SLC2A5: variants seen among roughly 807,000 people sequenced by gnomAD.
SLC2A5 encodes the protein solute carrier family 2, facilitated glucose transporter member 5.
SLC2A5 carries 56 observed loss-of-function variants against 50.3 expected under a neutral mutation model. That is an observed-to-expected ratio of 1.11 (90% confidence interval 0.90 to 1.39). The LOEUF is 1.39. SLC2A5 is among the 40% of genes most tolerant of loss of function. The probability of loss-of-function intolerance (pLI) is 0.00; values close to 1 mark genes in which losing one functional copy is unlikely to be tolerated. For missense variants in SLC2A5, 566 were observed against 650.1 expected (o/e 0.87, Z 1.41); for synonymous variants, 269 against 281.9 (o/e 0.95, Z 0.46).
At chr1:9,054,751 C>A (rs1351965505) in intron 3 of SLC2A5, among the ~76,000 whole-genome samples, 2 of 151,976 alleles carry the variant, frequency 1.3e-5, no homozygotes, top group Non-Finnish European at 2.9e-5. Flanking sequence ...CTAGTGAGAC[C>A]CTGTCTCTAC....
intron 2 of SLC2A5, among the ~76,000 whole-genome samples, chr1:9,083,648 C>T (rs1166512804): frequency 6.6e-6 from 1 of 151,960 alleles, no homozygotes; most frequent in South Asian, 2.1e-4. Flanking sequence ...AATGGTGAAA[C>T]CCCATCTCTG....
At chr1:9,062,527 C>T (rs1641971878) in intron 1 of SLC2A5, among the ~76,000 whole-genome samples, 1 of 152,144 alleles carries the variant, frequency 6.6e-6, no homozygotes, top group Non-Finnish European at 1.5e-5. Context: ...CATCTGTTCC[C>T]TCCATGTGCT....
chr1:9,063,157 C>T (rs1327483634), intron 1 of SLC2A5, among the ~76,000 whole-genome samples: 1 of 152,188 alleles, frequency 6.6e-6, no homozygotes, highest in East Asian at 1.9e-4. Flanking sequence ...CATGTGAGAT[C>T]ATGCAGTGTT....
At chr1:9,068,481 C>T (rs1230226678) in intron 1 of SLC2A5, among the ~76,000 whole-genome samples, 4 of 137,182 alleles carry the variant, frequency 2.9e-5, no homozygotes, top group African/African-American at 5.4e-5. Context: ...GATGAAGTTT[C>T]GCTCTTGTTG....
chr1:9,038,311 G>A, intron 10 of SLC2A5, 120 bp downstream of exon 10: 1 of 784,824 alleles, frequency 1.3e-6, no homozygotes, highest in African/African-American at 1.7e-5. Context: ...CGGTGGACGG[G>A]GGAAGAGATG....
chr1:9,083,334 C>T (rs1241870393), intron 2 of SLC2A5, among the ~76,000 whole-genome samples: 3 of 152,156 alleles, frequency 2.0e-5, no homozygotes, highest in Non-Finnish European at 4.4e-5. Context: ...AGGAATAATA[C>T]AGGGTGGTCG....
At chr1:9,080,669 C>T (rs1226318473) in intron 2 of SLC2A5, among the ~76,000 whole-genome samples, 1 of 152,192 alleles carries the variant, frequency 6.6e-6, no homozygotes, top group Non-Finnish European at 1.5e-5. Flanking sequence ...CCTAATGAGA[C>T]CACTCTCTTT....
In SLC2A5 at chr1:9,044,790, A is replaced by C. The variant is rs541449292; in HGVS notation, c.418+2820T>G. Among the ~76,000 whole-genome samples the C allele has an allele frequency of 1.3e-3, 205 of 152,222 alleles. 2 individuals carry two copies. The highest frequency in any genetic ancestry group is 2.2e-3 in the Non-Finnish European group (149 of 68,016). Reference sequence around the variant, plus strand: ...GGCTGGTCTCGCACTCCTGACCTCAAGTGATCCAACTGCCTCAGCTTCCTA... The same window carrying C: ...GGCTGGTCTCGCACTCCTGACCTCACGTGATCCAACTGCCTCAGCTTCCTA... On this transcript the variant is annotated intron_variant, in intron 4 of 11. Transcript: ENST00000377424.
intron 2 of SLC2A5, among the ~76,000 whole-genome samples, chr1:9,078,831 A>T (rs1327257): frequency 1.7e-3 from 256 of 152,170 alleles, no homozygotes; most frequent in African/African-American, 6.1e-3. Flanking sequence ...TGCGAACCTC[A>T]CAGGGCTCAC....
chr1:9,045,660 A>G (rs1641415167), intron 4 of SLC2A5, among the ~76,000 whole-genome samples: 1 of 152,034 alleles, frequency 6.6e-6, no homozygotes, highest in African/African-American at 2.4e-5. Flanking sequence ...GGCTGAGGTC[A>G]GGAGTTTGAG....
chr1:9,049,208 T>G (rs759905888), intron 3 of SLC2A5: 19 of 455,998 alleles, frequency 4.2e-5, no homozygotes, highest in Non-Finnish European at 1.8e-5. Context: ...CGAGTGGAGC[T>G]CCAGCATTCC....
In SLC2A5 at chr1:9,038,490, A is replaced by G. The variant is rs561447820; in HGVS notation, c.1115T>C (p.Met372Thr). The change falls in exon 10 of 12, where the codon ATG (methionine) becomes ACG (threonine). Residue 372 changes from methionine (M) to threonine (T), a missense_variant. Coordinates refer to ENST00000377424, the MANE Select transcript of SLC2A5 (RefSeq NM_003039.3). ...GACACAGACGATGCTGATGTATGGC[A>G]TCCAGGACACTGTGTCCTGTGGAGA... ...ALALQDTVSW[M>T]PYISIVCVIS... 1.7e-5 allele frequency: 28 copies of G among 1,613,086 alleles called. No individual in the cohort carries two copies. In the East Asian group the frequency reaches 6.0e-4, roughly 35 times the overall value.
At chr1:9,049,242 C>T (rs764800699) in intron 3 of SLC2A5, 53 of 455,042 alleles carry the variant, frequency 1.2e-4, no homozygotes, top group Admixed American at 1.1e-3. Context: ...ACTTGCCACA[C>T]GTGAGAGCCG....
intron 2 of SLC2A5, among the ~76,000 whole-genome samples, chr1:9,075,590 T>C (rs1399505120): frequency 6.6e-6 from 1 of 152,194 alleles, no homozygotes; most frequent in East Asian, 1.9e-4. Flanking sequence ...AATGGTGGAG[T>C]TAGCAGGACA....
At chr1:9,043,968 C>G (rs1256693551) in intron 4 of SLC2A5, among the ~76,000 whole-genome samples, 1 of 151,568 alleles carries the variant, frequency 6.6e-6, no homozygotes, top group African/African-American at 2.4e-5. Context: ...GTGATCCACC[C>G]GCCTCGGCCT....
intron 2 of SLC2A5, among the ~76,000 whole-genome samples, chr1:9,075,946 C>T (rs1007994284): frequency 6.6e-5 from 10 of 150,590 alleles, no homozygotes; most frequent in Admixed American, 1.3e-4. Flanking sequence ...CAGGCGTGAG[C>T]CACCGCGCCC....
At chr1:9,058,063 G>A (rs1219942086) in intron 2 of SLC2A5, 89 bp downstream of exon 2, 5 of 918,144 alleles carry the variant, frequency 5.4e-6, no homozygotes, top group Non-Finnish European at 8.9e-6. Flanking sequence ...AGGACCCACT[G>A]CGTGAACAGC....
At chr1:9,060,194 CACACTACACACACGCCCCTCATGTAACAA>C (rs1641889317) in intron 1 of SLC2A5, among the ~76,000 whole-genome samples, 1 of 149,728 alleles carries the variant, frequency 6.7e-6, no homozygotes, top group Non-Finnish European at 1.5e-5. Context: ...ACACTACACA[CACACTACACACACGCCCCTCATGTAACAA>C]ACAATACACA....
intron 3 of SLC2A5, among the ~76,000 whole-genome samples, chr1:9,056,672 T>C (rs57405729): frequency 0.039 from 5,944 of 152,196 alleles, 219 homozygotes; most frequent in African/African-American, 0.092. Context: ...ATGGAATTTA[T>C]ACGGGGGAGC....
Sources: gnomAD v4.1 joint callset for allele counts (sites outside exome capture counted in the v4.1 genomes callset) on GRCh38, gnomAD v4.1.1 for gene constraint, MANE v1.5 for transcripts, NCBI Gene and HGNC (gene_info 2026-07-23, HGNC 2026-07-21) for gene names.